Variants in TRIP13 observed in about 807,000 individuals in gnomAD.
TRIP13 encodes thyroid hormone receptor interactor 13.
A neutral mutation model predicts 54.4 loss-of-function variants in TRIP13; 25 were observed. The observed-to-expected ratio is 0.46, with a 90% CI of 0.33 to 0.64. The LOEUF is 0.64. Ranked by LOEUF, TRIP13 falls within the 30% of genes least tolerant of loss-of-function variation. The pLI, the probability that TRIP13 is intolerant of heterozygous loss-of-function variation, is 0.02. For missense variants in TRIP13, 373 were observed against 534.2 expected, an observed-to-expected ratio of 0.70 and a Z score of 2.97; for synonymous variants, 207 against 207.8, an observed-to-expected ratio of 1.00 and a Z score of 0.03.
chr5:895,404 T>C (rs1197607767), intron 2 of TRIP13, among the ~76,000 whole-genome samples: 1 of 151,970 alleles, frequency 6.6e-6, no homozygotes, highest in Non-Finnish European at 1.5e-5. Flanking sequence ...TGCGTATGGG[T>C]TAGAGGAGCT....
At chr5:918,296 C>G (rs537563157), downstream of TRIP13, among the ~76,000 whole-genome samples, 1 of 152,214 alleles carries the variant, frequency 6.6e-6, no homozygotes, top group African/African-American at 2.4e-5. This position sits in a 1 kb window ranked among gnomAD's most constrained non-coding sequence, Gnocchi z 4.3. Context: ...ATTCAGAACC[C>G]GGAGCCACTC....
intron 2 of TRIP13, among the ~76,000 whole-genome samples, 172 bp downstream of exon 2, chr5:895,124 A>G (rs1031645467): frequency 6.6e-6 from 1 of 152,204 alleles, no homozygotes; most frequent in African/African-American, 2.4e-5. Context: ...TGCTGGGAGT[A>G]GGAAGTAGCC....
intron 1 of TRIP13, 127 bp downstream of exon 1, chr5:893,217 A>G: frequency 2.1e-6 from 2 of 951,758 alleles, no homozygotes; most frequent in Non-Finnish European, 1.5e-6. Flanking sequence ...ATCCGGCCCG[A>G]CTGGACCCGG....
chr5:904,295 TAAA>T, intron 6 of TRIP13, 75 bp downstream of exon 6: 2 of 1,182,130 alleles, frequency 1.7e-6, no homozygotes, highest in Non-Finnish European at 2.4e-6. Flanking sequence ...TTTTTTTTTC[TAAA>T]TCATTTTACG....
intron 12 of TRIP13, 93 bp downstream of exon 12, chr5:916,066 C>G: frequency 7.7e-7 from 1 of 1,293,868 alleles, no homozygotes; most frequent in Non-Finnish European, 1.1e-6. Flanking sequence ...GTATCAGCCT[C>G]ATTTTATCTC....
At chr5:900,389 A>G in intron 3 of TRIP13, 105 bp from the exon 4 acceptor site, 1 of 1,097,050 alleles carries the variant, frequency 9.1e-7, no homozygotes, top group Non-Finnish European at 1.4e-6. Flanking sequence ...TCTTGCCTGG[A>G]GCAGCACAAT....
In TRIP13 at chr5:914,392, T is replaced by C. The variant is rs187969954; in HGVS notation, c.1021-73T>C. 1.4e-5 allele frequency: 14 copies of C among 1,005,964 alleles called. No homozygotes were observed. The Admixed American group carries it at 1.9e-4, about 13-fold the overall frequency. The allele number at this position is 1,005,964 out of a possible 1,614,324, so 62.3% of individuals were successfully genotyped here. A position where few individuals can be genotyped will look rare whatever the true frequency, so the allele number is the denominator to read the frequency against. ...GTTGACATTTGACCTGCAGGTGCTG[T>C]CCCTCTTGCTGACGGTGCCTACGCT... On this transcript the variant is annotated intron_variant, in intron 10 of 12. Transcript: ENST00000166345.
In TRIP13 at chr5:916,028, G is replaced by A. The variant is rs141534328; in HGVS notation, c.1203+55G>A. 1.2e-4 allele frequency: 186 copies of A among 1,561,996 alleles called. No homozygotes were observed. The African/African-American group carries it at 1.8e-3, about 15-fold the overall frequency. The stretch of plus-strand genomic sequence containing the variant: ...CGCCCTGTCCACAGGTCTCAGCCTC[G>A]CCGGAGATTCCGCTTAGTAGCCCTG... On this transcript the variant is annotated intron_variant, in intron 12 of 12. Coordinates refer to ENST00000166345, the MANE Select transcript of TRIP13 (RefSeq NM_004237.4).
At position 907,883 on chromosome 5, in the gene TRIP13, T is replaced by G. The variant is rs1199865121; in HGVS notation, c.673-105T>G. 2 of 1,148,446 alleles carry G rather than the reference T, an allele frequency of 1.7e-6. No individual in the cohort carries two copies. Among genetic ancestry groups the G allele is most frequent in the South Asian group, 1.3e-5 (1 of 77,592 alleles). 71.1% of individuals were successfully genotyped at this position (1,148,446 alleles called of 1,614,324 possible). ...TTTCTGAGGGGCCGTCAGGAGACAG[T>G]GGGCTTGTGGGGACAACTGGGGCAG... On this transcript the variant is annotated intron_variant, in intron 7 of 12. Coordinates refer to ENST00000166345, the MANE Select transcript of TRIP13 (RefSeq NM_004237.4). The surrounding 1 kb of genome is among the most constrained non-coding windows in gnomAD (Gnocchi z 4.1).
chr5:917,963 T>G lies in TRIP13; in HGVS notation c.*860T>G, dbSNP rs190149160. On this transcript the variant is annotated 3_prime_UTR_variant, in exon 13 of 13. Coordinates refer to ENST00000166345, the MANE Select transcript of TRIP13 (RefSeq NM_004237.4). ...AGTAAAATAAATATAATTAATGGTT[T>G]GCATGTGAAATTCACTTTTGAAAGA... 43 of 152,390 alleles carry G rather than the reference T, an allele frequency of 2.8e-4. No homozygotes were observed. The highest frequency in any genetic ancestry group is 2.4e-3 in the Admixed American group (36 of 15,306). 9.4% of individuals were successfully genotyped at this position (152,390 alleles called of 1,614,324 possible).
At chr5:910,306 T>G (rs1401229065) in intron 9 of TRIP13, among the ~76,000 whole-genome samples, 2 of 152,226 alleles carry the variant, frequency 1.3e-5, no homozygotes, top group Non-Finnish European at 1.5e-5. Flanking sequence ...CTCCCCGGTT[T>G]ATGCTGCTGG....
intron 5 of TRIP13, among the ~76,000 whole-genome samples, chr5:902,133 T>C (rs1465770959): frequency 1.3e-5 from 2 of 152,224 alleles, no homozygotes; most frequent in Non-Finnish European, 2.9e-5. Context: ...AAAGCCATAT[T>C]TTAAAGAAAT....
intron 3 of TRIP13, 74 bp downstream of exon 3, chr5:896,868 AG>A (rs34338199): frequency 3.0e-5 from 45 of 1,478,502 alleles, no homozygotes; most frequent in Non-Finnish European, 1.5e-5. Context: ...GTCAGTTCAC[AG>A]GGGGGGTTCT....
intron 4 of TRIP13, 57 bp from the exon 5 acceptor site, chr5:901,284 T>C: frequency 6.4e-7 from 1 of 1,551,618 alleles, no homozygotes; most frequent in Non-Finnish European, 8.9e-7. Context: ...GGCACATTTC[T>C]TGGGGACCTT....
Position 901,343 on chromosome 5 carries a change from C to G in TRIP13, c.447C>G (p.Leu149=). The change falls in exon 5 of 13, where the codon CTC becomes CTG. Residue 149 remains leucine, a splice_region_variant and synonymous_variant. Transcript: ENST00000166345. ...GCTCTTTTCTTTTTCTCTATCAGCT[C>G]CTCGATTATGTGATGACAACTTTAC... is the stretch of plus-strand genomic sequence containing the variant. ...LVYDVEVKSH[L]LDYVMTTLLF... 2.5e-6 allele frequency: 4 copies of G among 1,613,670 alleles called. No individual in the cohort carries two copies. Among genetic ancestry groups the G allele is most frequent in the Non-Finnish European group, 3.4e-6 (4 of 1,179,884 alleles).
rs769394302 is a variant in TRIP13, at chr5:908,509, G to C, written c.866+48G>C. The C allele has an allele frequency of 5.0e-6, 8 of 1,607,582 alleles. No individual in the cohort carries two copies. The highest frequency in any genetic ancestry group is 6.8e-6 in the Non-Finnish European group (8 of 1,177,672). ...TTCCCTGAGAAGTGATGAGAAGTTT[G>C]TCCCAAAGAAATGCGTGATACTTGT... On this transcript the variant is annotated intron_variant, in intron 9 of 12. Transcript: ENST00000166345. The surrounding 1 kb of genome is among the most constrained non-coding windows in gnomAD (Gnocchi z 5.2).
intron 2 of TRIP13, among the ~76,000 whole-genome samples, chr5:896,157 T>G (rs1226324758): frequency 6.6e-6 from 1 of 152,018 alleles, no homozygotes; most frequent in African/African-American, 2.4e-5. Flanking sequence ...AAAAAGAGTT[T>G]TAAAAAATTA....
At chr5:900,412 C>CTTAG in intron 3 of TRIP13, 82 bp from the exon 4 acceptor site, 1 of 1,417,722 alleles carries the variant, frequency 7.1e-7, no homozygotes, top group Non-Finnish European at 9.9e-7. Flanking sequence ...GAAGCTCAGG[C>CTTAG]TTAGGCTCAG....
chr5:904,037 T>C (rs1754053211), intron 5 of TRIP13, 111 bp from the exon 6 acceptor site: 2 of 952,966 alleles, frequency 2.1e-6, no homozygotes, highest in Admixed American at 5.7e-5. Context: ...ATAACATTAA[T>C]AGCTTTTAAC....
Sources: allele counts gnomAD v4.1 joint callset (sites outside exome capture counted in the v4.1 genomes callset), GRCh38; gene constraint gnomAD v4.1.1; non-coding constraint Gnocchi (gnomAD v3.1); transcripts MANE v1.5; gene names NCBI Gene and HGNC (gene_info 2026-07-23, HGNC 2026-07-21).